The following OSBPL10 variants were observed in gnomAD, a reference collection of about 807,000 sequenced individuals.
The protein encoded by OSBPL10 is oxysterol-binding protein-related protein 10.
In OSBPL10, 49 loss-of-function variants were observed where a neutral mutation model predicts 81.7. The ratio of observed to expected loss-of-function variants is 0.60; its 90% CI spans 0.48 to 0.76. The LOEUF is 0.76. Ranked by LOEUF, OSBPL10 falls within the 30% of genes least tolerant of loss-of-function variation. The pLI, the probability that OSBPL10 is intolerant of heterozygous loss-of-function variation, is 0.00. For synonymous variants in OSBPL10, 419 were observed against 383.6 expected (o/e 1.09, Z -1.08); for missense variants, 923 against 987.8 (o/e 0.93, Z 0.88).
chr3:31,886,443 G>A (rs1316527051), intron 1 of OSBPL10, among the ~76,000 whole-genome samples: 1 of 152,192 alleles, frequency 6.6e-6, no homozygotes, highest in Non-Finnish European at 1.5e-5. Flanking sequence ...CGTGAAAGAG[G>A]AATGAGCACC....
At chr3:31,999,053 G>T (rs930335612) in intron 2 of OSBPL10, among the ~76,000 whole-genome samples, 1 of 152,210 alleles carries the variant, frequency 6.6e-6, no homozygotes, top group Non-Finnish European at 1.5e-5. Context: ...CAGCCAGACA[G>T]TAATAATCTC....
At chr3:32,031,080 G>A (rs572800539) in intron 2 of OSBPL10, among the ~76,000 whole-genome samples, 44 of 152,028 alleles carry the variant, frequency 2.9e-4, no homozygotes, top group African/African-American at 1.0e-3. Context: ...AGGCAGAATT[G>A]CTTGAACCTG....
At position 31,794,674 on chromosome 3, in the gene OSBPL10, C is replaced by T. The variant is rs1699139553; in HGVS notation, c.729+35366G>A. On this transcript the variant is annotated intron_variant, in intron 4 of 11. Coordinates refer to ENST00000396556, the MANE Select transcript of OSBPL10 (RefSeq NM_017784.5). ...GAAAGATGAAGAGGCACCATATAAG[C>T]AGAGCATTTCTATACAAAGAGAGTC... 1.3e-5 allele frequency: 4 copies of T among 301,308 alleles called. No individual in the cohort carries two copies. The Admixed American group carries it at 1.5e-4, about 11-fold the overall frequency. The allele number at this position is 301,308 out of a possible 1,614,324, so 18.7% of individuals were successfully genotyped here.
intron 3 of OSBPL10, among the ~76,000 whole-genome samples, chr3:31,860,749 C>T (rs994628653): frequency 2.6e-5 from 4 of 152,130 alleles, no homozygotes. Context: ...AATATCGGCT[C>T]ACTGCAGCCT....
intron 1 of OSBPL10, among the ~76,000 whole-genome samples, chr3:31,901,287 A>G (rs755660550): frequency 1.3e-5 from 2 of 152,216 alleles, no homozygotes; most frequent in Non-Finnish European, 1.5e-5. Context: ...AATGGCTTCC[A>G]TTGCATTCAA....
At chr3:31,887,795 A>G (rs1347664425) in intron 1 of OSBPL10, among the ~76,000 whole-genome samples, 2 of 152,260 alleles carry the variant, frequency 1.3e-5, no homozygotes, top group East Asian at 3.9e-4. Context: ...CTCAATCCCA[A>G]CCAAACTTTA....
chr3:31,938,750 T>G (rs1046990539), intron 1 of OSBPL10, among the ~76,000 whole-genome samples: 2 of 152,036 alleles, frequency 1.3e-5, no homozygotes, highest in Non-Finnish European at 2.9e-5. Context: ...TGTCTCAGCC[T>G]CCTAAAGTGC....
intron 4 of OSBPL10, among the ~76,000 whole-genome samples, chr3:31,758,626 T>C (rs1034146131): frequency 6.6e-6 from 1 of 152,220 alleles, no homozygotes; most frequent in Non-Finnish European, 1.5e-5. Context: ...GGCCAGTCTA[T>C]GGAGGATGTG....
At chr3:31,756,313 G>A (rs981905042) in intron 4 of OSBPL10, among the ~76,000 whole-genome samples, 2 of 152,148 alleles carry the variant, frequency 1.3e-5, no homozygotes, top group Non-Finnish European at 2.9e-5. Context: ...CAATGAGAAG[G>A]TTCCTTCCTT....
At chr3:31,775,623 C>G (rs1049826217) in intron 4 of OSBPL10, among the ~76,000 whole-genome samples, 2 of 152,044 alleles carry the variant, frequency 1.3e-5, no homozygotes, top group Admixed American at 6.5e-5. Flanking sequence ...TGATAGGGCA[C>G]TGCTGGAGGG....
intron 4 of OSBPL10, among the ~76,000 whole-genome samples, chr3:31,750,853 T>C (rs1159239358): frequency 6.6e-6 from 1 of 152,164 alleles, no homozygotes; most frequent in African/African-American, 2.4e-5. Context: ...CAAAAAGAAC[T>C]ATATTCCAAT....
intron 4 of OSBPL10, among the ~76,000 whole-genome samples, chr3:31,771,752 A>T (rs1027780029): frequency 1.3e-5 from 2 of 152,186 alleles, no homozygotes; most frequent in African/African-American, 2.4e-5. Context: ...GTCGACATAT[A>T]GCTTAGAAGG....
rs531614493 is a variant in OSBPL10, at chr3:32,069,280, T to C, written n.185+8116A>G. ...AGATGAACGGGAAAGAGTTTTTTTC[T>C]GTAGCCCAATCTCATGCTGATAACC... is the stretch of plus-strand genomic sequence containing the variant. On this transcript the variant is annotated intron_variant and non_coding_transcript_variant, in intron 1 of 3. Transcript: ENST00000479173. 2.0e-3 allele frequency among the ~76,000 whole-genome samples: 301 copies of C among 152,276 alleles called. 2 individuals are homozygous for C. In the Middle Eastern group the frequency reaches 0.031, roughly 16 times the overall value.
chr3:32,058,474 C>T (rs1699729320), intron 1 of OSBPL10, among the ~76,000 whole-genome samples: 1 of 151,970 alleles, frequency 6.6e-6, no homozygotes, highest in Non-Finnish European at 1.5e-5. Flanking sequence ...ATTACTGGTG[C>T]CCACCACCAC....
At chr3:31,933,727 A>C (rs538941902) in intron 1 of OSBPL10, among the ~76,000 whole-genome samples, 211 of 152,224 alleles carry the variant, frequency 1.4e-3, no homozygotes, top group Middle Eastern at 6.8e-3. Flanking sequence ...TTCTTTTATC[A>C]GCTAATTGAG....
intron 4 of OSBPL10, among the ~76,000 whole-genome samples, chr3:31,819,185 C>T (rs1699922482): frequency 6.6e-6 from 1 of 152,226 alleles, no homozygotes; most frequent in Middle Eastern, 3.4e-3. Flanking sequence ...TTCAGAGGCT[C>T]CCCCGCTGAT....
At chr3:31,704,645 T>A (rs1457209493) in intron 6 of OSBPL10, 1 of 152,178 alleles carries the variant, frequency 6.6e-6, no homozygotes, top group East Asian at 1.9e-4. Flanking sequence ...CTAAATCAAT[T>A]GCTCCACTGA....
chr3:31,661,791 C>A lies in OSBPL10; in HGVS notation c.*281G>T. On this transcript the variant is annotated 3_prime_UTR_variant, in exon 12 of 12. Coordinates refer to ENST00000396556, the MANE Select transcript of OSBPL10 (RefSeq NM_017784.5). ...TTACCCACTTTAACCTTGGTGAGTG[C>A]AGTATTTAAATGTGTAATCATACTC... The A allele has an allele frequency of 3.2e-6, 1 of 313,500 alleles. No homozygotes were observed. The highest frequency in any genetic ancestry group is 5.0e-5 in the Admixed American group (1 of 20,028). 19.4% of individuals were successfully genotyped at this position (313,500 alleles called of 1,614,324 possible). A position where few individuals can be genotyped will look rare whatever the true frequency, so the allele number is the denominator to read the frequency against.
chr3:32,009,814 T>G (rs1699236751), intron 2 of OSBPL10, among the ~76,000 whole-genome samples: 1 of 152,180 alleles, frequency 6.6e-6, no homozygotes, highest in Non-Finnish European at 1.5e-5. Context: ...GCTCTCACAT[T>G]CTATAATTCT....
Sources: allele counts gnomAD v4.1 joint callset (sites outside exome capture counted in the v4.1 genomes callset), GRCh38; gene constraint gnomAD v4.1.1; transcripts MANE v1.5; gene names NCBI Gene and HGNC (gene_info 2026-07-23, HGNC 2026-07-21).